C13orf46: variants seen among roughly 807,000 people sequenced by gnomAD.
C13orf46 encodes the protein chromosome 13 open reading frame 46.
the C13orf46 span, among the ~76,000 whole-genome samples, chr13:113,930,423 C>T: frequency 6.5e-5 from 9 of 138,290 alleles, no homozygotes; most frequent in East Asian, 2.0e-4. Context: ...AGCACCGAGG[C>T]GGGGGCGCGG....
chr13:113,972,448 G>A (rs952346957), intron 1 of C13orf46, among the ~76,000 whole-genome samples: 7 of 152,300 alleles, frequency 4.6e-5, no homozygotes, highest in Admixed American at 1.3e-4. Flanking sequence ...TCACTTCCAC[G>A]GCCCCGTGGA....
intron 2 of C13orf46, among the ~76,000 whole-genome samples, 190 bp downstream of exon 2, chr13:113,969,981 A>G (rs2138993922): frequency 6.6e-6 from 1 of 152,164 alleles, no homozygotes; most frequent in African/African-American, 2.4e-5. Context: ...CTCTCAAAAT[A>G]AGGAGGATTT....
At chr13:113,946,544 T>C in the C13orf46 span, among the ~76,000 whole-genome samples, 2 of 152,216 alleles carry the variant, frequency 1.3e-5, no homozygotes, top group African/African-American at 4.8e-5. Context: ...TGTCAGGTAG[T>C]AGCTAGGCCA....
At chr13:113,972,191 A>G (rs9670530) in intron 1 of C13orf46, among the ~76,000 whole-genome samples, 94,243 of 151,866 alleles carry the variant, frequency 0.62, 29,975 homozygotes, top group Non-Finnish European at 0.7. Context: ...TTGGAGATCC[A>G]CTCCCCGCCC....
At position 113,956,385 on chromosome 13, in the gene C13orf46, A is replaced by T. The variant is rs2138976236; in HGVS notation, c.*388T>A. ...GGAGGAGCATCTGGTGGAGAGGAGG[A>T]GCATCTGGTGGAGAGGAGGAGCATC... On this transcript the variant is annotated 3_prime_UTR_variant, in exon 7 of 7. Coordinates refer to ENST00000636427, the MANE Select transcript of C13orf46 (RefSeq NM_001365455.2). 1 of 154,422 alleles carries T rather than the reference A, an allele frequency of 6.5e-6. No individual in the cohort carries two copies. The highest frequency in any genetic ancestry group is 1.9e-4 in the South Asian group (1 of 5,280). The allele number at this position is 154,422 out of a possible 1,614,324, so 9.6% of individuals were successfully genotyped here.
At chr13:113,953,247 A>G (rs1007451472), downstream of C13orf46, among the ~76,000 whole-genome samples, 3 of 152,182 alleles carry the variant, frequency 2.0e-5, no homozygotes, top group African/African-American at 4.8e-5. Context: ...GTGGCCACTC[A>G]CATCCCACAG....
intron 1 of C13orf46, 28 bp downstream of exon 1, chr13:113,973,780 C>T (rs2052734248): frequency 6.6e-6 from 1 of 152,348 alleles, no homozygotes; most frequent in African/African-American, 2.4e-5. Context: ...CGCCGTCCAC[C>T]CGCTCCCCGC....
the C13orf46 span, chr13:113,928,884 G>A: frequency 6.6e-6 from 1 of 152,426 alleles, no homozygotes; most frequent in Non-Finnish European, 1.5e-5. Flanking sequence ...CAGGAGAAAG[G>A]GCAGCCTGCC....
the C13orf46 span, among the ~76,000 whole-genome samples, chr13:113,945,557 GAAAGAA>G: frequency 4.9e-4 from 57 of 116,234 alleles, no homozygotes; most frequent in Non-Finnish European, 5.7e-4. Context: ...AAGAAAGAAA[GAAAGAA>G]AGAAAGAAAG....
At chr13:113,930,256 A>G in the C13orf46 span, among the ~76,000 whole-genome samples, 1 of 152,212 alleles carries the variant, frequency 6.6e-6, no homozygotes, top group Non-Finnish European at 1.5e-5. Context: ...ACAGCTGCCC[A>G]GACTTCAGCA....
chr13:113,932,876 T>A, the C13orf46 span, among the ~76,000 whole-genome samples: 1 of 152,200 alleles, frequency 6.6e-6, no homozygotes, highest in Non-Finnish European at 1.5e-5. Context: ...TTACAATTTT[T>A]TTTTTTGAGA....
chr13:113,939,410 G>A, the C13orf46 span, among the ~76,000 whole-genome samples: 1 of 151,936 alleles, frequency 6.6e-6, no homozygotes, highest in Non-Finnish European at 1.5e-5. Flanking sequence ...CGATGGGGAG[G>A]ACGCAGACCA....
intron 6 of C13orf46, among the ~76,000 whole-genome samples, chr13:113,958,650 C>T (rs927629728): frequency 1.3e-5 from 2 of 152,262 alleles, no homozygotes; most frequent in East Asian, 3.9e-4. Context: ...GGACAGACGG[C>T]TCGCGGGCGA....
At chr13:113,945,595 A>AGAG in the C13orf46 span, among the ~76,000 whole-genome samples, 125 of 113,294 alleles carry the variant, frequency 1.1e-3, 1 homozygote, top group Middle Eastern at 4.9e-3. Flanking sequence ...GAGAGAGAGA[A>AGAG]AGAAAGAAAG....
the C13orf46 span, chr13:113,927,291 A>G: frequency 2.7e-6 from 1 of 367,132 alleles, no homozygotes; most frequent in Non-Finnish European, 4.8e-6. Context: ...GGACCTTCAT[A>G]TGTGGGACAG....
the C13orf46 span, among the ~76,000 whole-genome samples, chr13:113,939,647 C>T: frequency 3.3e-5 from 5 of 152,198 alleles, no homozygotes; most frequent in African/African-American, 7.2e-5. Context: ...GGTTCTTAGC[C>T]GTGAAATGGG....
At chr13:113,958,534 C>G (rs1270882471) in intron 6 of C13orf46, among the ~76,000 whole-genome samples, 1 of 152,200 alleles carries the variant, frequency 6.6e-6, no homozygotes, top group African/African-American at 2.4e-5. Flanking sequence ...CCTCTGTAAT[C>G]TACAGCCAAA....
chr13:113,970,824 G>A (rs2052697032), intron 1 of C13orf46, among the ~76,000 whole-genome samples: 1 of 152,194 alleles, frequency 6.6e-6, no homozygotes, highest in African/African-American at 2.4e-5. Flanking sequence ...ACAGAGGACA[G>A]GGGCCCAGGA....
At chr13:113,972,118 A>C (rs898106837) in intron 1 of C13orf46, among the ~76,000 whole-genome samples, 3 of 152,134 alleles carry the variant, frequency 2.0e-5, no homozygotes, top group African/African-American at 7.2e-5. Context: ...AATGGGGCTC[A>C]ATCCCTCCCT....
Sources: allele counts gnomAD v4.1 joint callset (sites outside exome capture counted in the v4.1 genomes callset), GRCh38; gene constraint gnomAD v4.1.1; transcripts MANE v1.5; gene names NCBI Gene and HGNC (gene_info 2026-07-23, HGNC 2026-07-21).